The following PRDM16 variants were observed in gnomAD, a reference collection of about 807,000 sequenced individuals.
PRDM16 encodes the protein PR/SET domain 16.
PRDM16 carries 23 observed loss-of-function variants against 110.6 expected under a neutral mutation model. The ratio of observed to expected loss-of-function variants is 0.21; its 90% CI spans 0.15 to 0.29. PRDM16 has a LOEUF of 0.29. Among genes scored for constraint, PRDM16 ranks in the 10% least tolerant of loss-of-function variants. The probability of loss-of-function intolerance (pLI) is 1.00; values close to 1 mark genes in which losing one functional copy is unlikely to be tolerated. For missense variants in PRDM16, 1,615 were observed against 1,794.3 expected, an observed-to-expected ratio of 0.90 and a Z score of 1.81; for synonymous variants, 799 against 781.8, an observed-to-expected ratio of 1.02 and a Z score of -0.37.
intron 2 of PRDM16, among the ~76,000 whole-genome samples, chr1:3,235,010 C>T (rs568144022): frequency 3.9e-5 from 6 of 152,312 alleles, no homozygotes; most frequent in Non-Finnish European, 5.9e-5. Flanking sequence ...GGTCACCTGC[C>T]GTCCACTTAG....
intron 1 of PRDM16, among the ~76,000 whole-genome samples, chr1:3,155,378 G>A (rs1009200761): frequency 6.6e-6 from 1 of 152,242 alleles, no homozygotes; most frequent in Non-Finnish European, 1.5e-5. Flanking sequence ...TGGTCTCCGC[G>A]AGGACTTGGG....
At chr1:3,415,556 T>C (rs1638220496) in intron 10 of PRDM16, among the ~76,000 whole-genome samples, 1 of 152,252 alleles carries the variant, frequency 6.6e-6, no homozygotes, top group Non-Finnish European at 1.5e-5. Flanking sequence ...TCCCCTGATT[T>C]TCCTCGGGAT....
At chr1:3,078,178 A>T (rs760834481) in intron 1 of PRDM16, among the ~76,000 whole-genome samples, 20 of 152,036 alleles carry the variant, frequency 1.3e-4, no homozygotes, top group Non-Finnish European at 2.6e-4. Flanking sequence ...CCCTGTGTCA[A>T]TCATGGTGTG....
At position 3,359,979 on chromosome 1, in the gene PRDM16, C is replaced by T. The variant is rs1288676366; in HGVS notation, c.439-25173C>T. Among the ~76,000 whole-genome samples the T allele has an allele frequency of 1.3e-5, 2 of 152,258 alleles. No homozygotes were observed. The highest frequency in any genetic ancestry group is 1.3e-4 in the Admixed American group (2 of 15,292). On this transcript the variant is annotated intron_variant, in intron 3 of 16. Transcript: ENST00000270722. This position sits in a 1 kb window ranked among gnomAD's most constrained non-coding sequence, Gnocchi z 4.3. Reference sequence around the variant, plus strand: ...GAACAGGTCCCTTCAGCCGGCTCAGCAGCCAGTGAGAAGCAACAGCAAACG... The same window carrying T: ...GAACAGGTCCCTTCAGCCGGCTCAGTAGCCAGTGAGAAGCAACAGCAAACG...
chr1:3,174,592 C>A (rs556127739), intron 1 of PRDM16, among the ~76,000 whole-genome samples: 1 of 152,170 alleles, frequency 6.6e-6, no homozygotes, highest in African/African-American at 2.4e-5. Context: ...TGCCTCCCTC[C>A]GTGTCTGCGA....
chr1:3,120,286 G>A (rs757884132), intron 1 of PRDM16, among the ~76,000 whole-genome samples: 10 of 152,172 alleles, frequency 6.6e-5, no homozygotes, highest in Non-Finnish European at 1.2e-4. Flanking sequence ...CTGTCTGGCA[G>A]CCTCCCCTCC....
chr1:3,193,765 G>T (rs150565821), intron 2 of PRDM16, among the ~76,000 whole-genome samples: 2 of 152,234 alleles, frequency 1.3e-5, no homozygotes, highest in African/African-American at 4.8e-5. Context: ...GGGGGAGGGG[G>T]TGGTCAGGAA....
At chr1:3,264,996 G>A (rs558770896) in intron 3 of PRDM16, among the ~76,000 whole-genome samples, 1 of 152,038 alleles carries the variant, frequency 6.6e-6, no homozygotes, top group Admixed American at 6.5e-5. Flanking sequence ...GGGTCAAGCA[G>A]ACAGATGCAG....
intron 3 of PRDM16, among the ~76,000 whole-genome samples, chr1:3,346,273 G>A (rs377359771): frequency 2.6e-5 from 4 of 152,210 alleles, no homozygotes; most frequent in African/African-American, 7.2e-5. Flanking sequence ...TCCCCAGGAC[G>A]TCTTGGAGGT....
At chr1:3,152,766 T>G (rs779353847) in intron 1 of PRDM16, among the ~76,000 whole-genome samples, 5 of 152,152 alleles carry the variant, frequency 3.3e-5, no homozygotes, top group Non-Finnish European at 5.9e-5. Context: ...AGCCATAGCG[T>G]GGGTCCTTGG....
intron 1 of PRDM16, among the ~76,000 whole-genome samples, chr1:3,076,573 T>A (rs998836380): frequency 2.0e-5 from 3 of 152,194 alleles, no homozygotes; most frequent in Admixed American, 1.3e-4. Context: ...CACTGGAGCC[T>A]GGGGCTTCTC....
chr1:3,412,209 A>G lies in PRDM16; in HGVS notation c.2012A>G (p.Gln671Arg), dbSNP rs769169264. 4 of 1,605,708 alleles carry G rather than the reference A, an allele frequency of 2.5e-6. No individual in the cohort carries two copies. In the South Asian group the frequency reaches 3.3e-5, roughly 13 times the overall value. ...SVAEVPVFYS[Q>R]HSFFPPPDEQ... ...GCCGAGGTGCCTGTCTTCTATTCCC[A>G]GCACTCATTCTTCCCGCCACCCGAC... is the stretch of plus-strand genomic sequence containing the variant. The change falls in exon 9 of 17, where the codon CAG becomes CGG. Residue 671 changes from glutamine (Q) to arginine (R), a missense_variant. Gln to Arg is a conservative substitution (Grantham distance 43). Around this residue, in one of 5 missense-constraint regions of PRDM16, gnomAD observed 772 missense variants for 748.3 expected, o/e 1.03. Coordinates refer to ENST00000270722, the MANE Select transcript of PRDM16 (RefSeq NM_022114.4).
intron 2 of PRDM16, among the ~76,000 whole-genome samples, chr1:3,227,542 G>A (rs528798666): frequency 2.0e-5 from 3 of 152,378 alleles, no homozygotes; most frequent in South Asian, 2.1e-4. Flanking sequence ...GCGTGGGGCC[G>A]CAGCTGCGGC....
At chr1:3,373,165 C>T (rs1333190) in intron 3 of PRDM16, among the ~76,000 whole-genome samples, 104,937 of 151,964 alleles carry the variant, frequency 0.69, 37,147 homozygotes, top group African/African-American at 0.85. Flanking sequence ...CTTGGGAGCA[C>T]GGGGGTTAGG....
At chr1:3,121,660 G>C (rs1046065217) in intron 1 of PRDM16, among the ~76,000 whole-genome samples, 1 of 152,270 alleles carries the variant, frequency 6.6e-6, no homozygotes. Flanking sequence ...GCCGAGGAAG[G>C]GGAGGACAGG....
chr1:3,365,552 T>C (rs1428513972), intron 3 of PRDM16, among the ~76,000 whole-genome samples: 2 of 152,136 alleles, frequency 1.3e-5, no homozygotes, highest in Non-Finnish European at 1.5e-5. Flanking sequence ...GGGTGATCCA[T>C]GGGGTTGGTG....
rs186312354 is a variant in PRDM16, at chr1:3,238,274, G to A, written c.388-5813G>A. ...GGTGGTGGCTGGGAGTGTAAACAGC[G>A]GCGTAGAGACCTCTGTGCATTTCAG... On this transcript the variant is annotated intron_variant, in intron 2 of 16. Transcript: ENST00000270722. 3.3e-5 allele frequency among the ~76,000 whole-genome samples: 5 copies of A among 152,132 alleles called. No individual in the cohort carries two copies. The South Asian group carries it at 8.3e-4, about 25-fold the overall frequency.
intron 2 of PRDM16, among the ~76,000 whole-genome samples, chr1:3,222,369 T>G (rs1176670920): frequency 6.6e-6 from 1 of 152,228 alleles, no homozygotes; most frequent in Non-Finnish European, 1.5e-5. Context: ...CCAGCAGGCC[T>G]GGGTGCTGGG....
At chr1:3,202,036 C>T (rs1638641604) in intron 2 of PRDM16, among the ~76,000 whole-genome samples, 1 of 152,188 alleles carries the variant, frequency 6.6e-6, no homozygotes, top group Non-Finnish European at 1.5e-5. Flanking sequence ...GTCCCCACTG[C>T]CTTCTGAGGT....
Sources: gnomAD v4.1 joint callset for allele counts (sites outside exome capture counted in the v4.1 genomes callset) on GRCh38, gnomAD v4.1.1 for gene constraint, gnomAD v4.1.1 regional missense constraint, Gnocchi (gnomAD v3.1) non-coding constraint, MANE v1.5 for transcripts, NCBI Gene and HGNC (gene_info 2026-07-23, HGNC 2026-07-21) for gene names.